BCL2L13: variants seen among roughly 807,000 people sequenced by gnomAD.
BCL2L13 encodes bcl-2-like protein 13.
A neutral mutation model predicts 25.8 loss-of-function variants in BCL2L13; 13 were observed. The ratio of observed to expected loss-of-function variants is 0.50; its 90% CI spans 0.33 to 0.80. The LOEUF (loss-of-function observed/expected upper bound fraction) is 0.80, where lower values mean the gene tolerates loss of function less well. Ranked by LOEUF, BCL2L13 falls within the 30% of genes least tolerant of loss-of-function variation. BCL2L13 has a pLI of 0.02. For synonymous variants in BCL2L13, 244 were observed against 230.3 expected, an observed-to-expected ratio of 1.06 and a Z score of -0.54; for missense variants, 504 against 574.9, an observed-to-expected ratio of 0.88 and a Z score of 1.26.
intron 6 of BCL2L13, among the ~76,000 whole-genome samples, chr22:17,713,478 T>TG (rs398036542): frequency 1.4e-4 from 18 of 132,606 alleles, no homozygotes; most frequent in African/African-American, 4.6e-4. Flanking sequence ...TTTTTTTTTT[T>TG]GGAGATGGAG....
At chr22:17,698,657 A>G (rs1015341383) in intron 5 of BCL2L13, among the ~76,000 whole-genome samples, 2 of 148,542 alleles carry the variant, frequency 1.3e-5, no homozygotes, top group African/African-American at 2.5e-5. Context: ...TGAGCCTGGG[A>G]GGTGGAGGTT....
At chr22:17,674,748 C>A (rs1486713021) in intron 2 of BCL2L13, among the ~76,000 whole-genome samples, 2 of 152,106 alleles carry the variant, frequency 1.3e-5, no homozygotes, top group Non-Finnish European at 2.9e-5. Flanking sequence ...CTAGGCCTCC[C>A]AAGTAGCTGG....
At chr22:17,665,589 T>G (rs2059209728) in intron 2 of BCL2L13, among the ~76,000 whole-genome samples, 1 of 152,092 alleles carries the variant, frequency 6.6e-6, no homozygotes, top group Admixed American at 6.6e-5. Context: ...CCTTGACACA[T>G]GGGGATTATT....
At chr22:17,708,084 C>A (rs1408683895) in intron 6 of BCL2L13, among the ~76,000 whole-genome samples, 3 of 151,904 alleles carry the variant, frequency 2.0e-5, no homozygotes, top group African/African-American at 7.3e-5. Flanking sequence ...TTCCTACCAC[C>A]AAAGCAAAGT....
Position 17,638,806 on chromosome 22 carries a change from TCA to T in BCL2L13, c.-129_-128del. The T allele has an allele frequency of 8.1e-7, 1 of 1,231,922 alleles. No homozygotes were observed. The highest frequency in any genetic ancestry group is 1.0e-6 in the Non-Finnish European group (1 of 988,158). 76.3% of individuals were successfully genotyped at this position (1,231,922 alleles called of 1,614,324 possible). A position where few individuals can be genotyped will look rare whatever the true frequency, so the allele number is the denominator to read the frequency against. Reference sequence around the variant, plus strand: ...AGATTAGGGCCGCGGGTCGGAGCACTCACCGCCGCTGGGGGACCCTGTCGGAA... The same window carrying T: ...AGATTAGGGCCGCGGGTCGGAGCACTCCGCCGCTGGGGGACCCTGTCGGAA... On this transcript the variant is annotated 5_prime_UTR_variant, in exon 1 of 7. Coordinates refer to ENST00000317582, the MANE Select transcript of BCL2L13 (RefSeq NM_015367.4).
At chr22:17,671,012 G>A (rs2059399164) in intron 2 of BCL2L13, among the ~76,000 whole-genome samples, 1 of 152,016 alleles carries the variant, frequency 6.6e-6, no homozygotes, top group South Asian at 2.1e-4. Context: ...TGTAATGCCA[G>A]CACTTTGGGA....
chr22:17,676,320 A>C (rs1288820037), intron 2 of BCL2L13, among the ~76,000 whole-genome samples: 1 of 151,862 alleles, frequency 6.6e-6, no homozygotes, highest in Non-Finnish European at 1.5e-5. Context: ...AAAAATAGGC[A>C]GGTGTGGTGG....
intron 3 of BCL2L13, among the ~76,000 whole-genome samples, chr22:17,684,996 A>G (rs1368822089): frequency 6.6e-6 from 1 of 151,718 alleles, no homozygotes. Flanking sequence ...TGGCCTCCCA[A>G]AGTGCTGGGA....
At chr22:17,630,573 C>T (rs966269590) in intron 1 of BCL2L13, among the ~76,000 whole-genome samples, 2 of 150,338 alleles carry the variant, frequency 1.3e-5, no homozygotes, top group East Asian at 1.9e-4. Context: ...CCACTGCACC[C>T]GGCCTTCTTT....
intron 2 of BCL2L13, among the ~76,000 whole-genome samples, chr22:17,664,420 C>G (rs963126563): frequency 7.9e-5 from 12 of 152,302 alleles, no homozygotes; most frequent in African/African-American, 1.7e-4. Flanking sequence ...TAGCCACCCC[C>G]CCCCGGCTCC....
At chr22:17,690,530 G>A (rs796771780) in intron 4 of BCL2L13, among the ~76,000 whole-genome samples, 2 of 152,088 alleles carry the variant, frequency 1.3e-5, no homozygotes, top group African/African-American at 2.4e-5. Flanking sequence ...AGGTCCAGGC[G>A]GGAGGATTGC....
At chr22:17,707,658 T>C (rs1015306568) in intron 6 of BCL2L13, among the ~76,000 whole-genome samples, 2 of 152,180 alleles carry the variant, frequency 1.3e-5, no homozygotes, top group Admixed American at 6.6e-5. Flanking sequence ...TTGACAGATA[T>C]ATATATAAAG....
intron 6 of BCL2L13, chr22:17,703,168 T>TACACACACACACACACACACAC (rs1160059436): frequency 7.4e-6 from 1 of 135,152 alleles, no homozygotes; most frequent in African/African-American, 2.8e-5. Flanking sequence ...ACAAAATATA[T>TACACACACACACACACACACAC]ATATACACAC....
chr22:17,644,683 T>A (rs1275953782), intron 1 of BCL2L13, among the ~76,000 whole-genome samples: 1 of 151,522 alleles, frequency 6.6e-6, no homozygotes, highest in African/African-American at 2.4e-5. Flanking sequence ...AACAGGTTTT[T>A]GAAATAATTT....
chr22:17,719,730 G>C (rs919428338), intron 6 of BCL2L13, among the ~76,000 whole-genome samples: 2 of 151,560 alleles, frequency 1.3e-5, no homozygotes, highest in African/African-American at 4.9e-5. Flanking sequence ...TCAGGAGGCT[G>C]AGGCAGGATA....
chr22:17,704,432 T>A (rs755100313), intron 6 of BCL2L13, among the ~76,000 whole-genome samples: 22 of 152,188 alleles, frequency 1.4e-4, no homozygotes, highest in Non-Finnish European at 2.5e-4. Flanking sequence ...GAATGTCCAA[T>A]CTGTATTTCA....
intron 1 of BCL2L13, among the ~76,000 whole-genome samples, chr22:17,648,678 A>G (rs1040572539): frequency 2.6e-5 from 4 of 152,174 alleles, no homozygotes; most frequent in African/African-American, 7.2e-5. Flanking sequence ...TCCTTCACCA[A>G]ATATATAGAT....
chr22:17,677,726 G>A (rs770843319), intron 2 of BCL2L13, among the ~76,000 whole-genome samples: 6 of 152,148 alleles, frequency 3.9e-5, no homozygotes, highest in African/African-American at 9.7e-5. Context: ...ACAAAAATTA[G>A]CTGGGTGTGG....
chr22:17,679,262 CTCT>C (rs2059662336), intron 2 of BCL2L13, among the ~76,000 whole-genome samples: 1 of 104,944 alleles, frequency 9.5e-6, no homozygotes, highest in African/African-American at 3.8e-5. Flanking sequence ...ATTGGTTTGG[CTCT>C]TTTTTTTTTT....
Sources: gnomAD v4.1 joint callset for allele counts (sites outside exome capture counted in the v4.1 genomes callset) on GRCh38, gnomAD v4.1.1 for gene constraint, MANE v1.5 for transcripts, NCBI Gene and HGNC (gene_info 2026-07-23, HGNC 2026-07-21) for gene names.